RBFOX1: variants seen among roughly 807,000 people sequenced by gnomAD.
RBFOX1 encodes RNA binding protein fox-1 homolog 1.
RBFOX1 carries 8 observed loss-of-function variants against 57.7 expected under a neutral mutation model. The observed-to-expected ratio is 0.14, with a 90% CI of 0.08 to 0.25. The LOEUF (loss-of-function observed/expected upper bound fraction) is 0.25, where lower values mean the gene tolerates loss of function less well. RBFOX1 is among the 10% of genes least tolerant of loss of function. The probability of loss-of-function intolerance (pLI) is 1.00; values close to 1 mark genes in which losing one functional copy is unlikely to be tolerated. For missense variants in RBFOX1, 611 were observed against 548.5 expected, an observed-to-expected ratio of 1.11 and a Z score of -1.14; for synonymous variants, 326 against 222.4, an observed-to-expected ratio of 1.47 and a Z score of -4.15.
At chr16:5,852,900 T>C (rs552641740) in intron 3 of RBFOX1, among the ~76,000 whole-genome samples, 3 of 152,268 alleles carry the variant, frequency 2.0e-5, no homozygotes, top group Admixed American at 1.3e-4. Flanking sequence ...CTCTTACCCA[T>C]CCTGCAAGAC....
chr16:5,967,271 C>T (rs759072095), intron 4 of RBFOX1, among the ~76,000 whole-genome samples: 6 of 152,172 alleles, frequency 3.9e-5, no homozygotes, highest in Non-Finnish European at 8.8e-5. Context: ...GAGCATATAT[C>T]AATCTATGAA....
intron 13 of RBFOX1, among the ~76,000 whole-genome samples, chr16:7,675,245 G>A (rs1347263509): frequency 9.7e-6 from 1 of 103,526 alleles, no homozygotes; most frequent in African/African-American, 3.3e-5. Flanking sequence ...CCGTCACTCT[G>A]TTGAACTCAG....
intron 4 of RBFOX1, among the ~76,000 whole-genome samples, chr16:7,161,572 C>T (rs1359973297): frequency 6.6e-6 from 1 of 152,112 alleles, no homozygotes; most frequent in African/African-American, 2.4e-5. Context: ...TTTGCTAAGG[C>T]TGTGTACCTA....
At chr16:5,920,440 G>A (rs1475130701) in intron 4 of RBFOX1, among the ~76,000 whole-genome samples, 1 of 152,184 alleles carries the variant, frequency 6.6e-6, no homozygotes, top group African/African-American at 2.4e-5. Flanking sequence ...TTGGGGACCT[G>A]TTTTTATTTC....
In RBFOX1 at chr16:6,825,833, C is replaced by G. The variant is rs77241537; in HGVS notation, c.-16+171183C>G. Among the ~76,000 whole-genome samples the G allele has an allele frequency of 6.6e-3, 999 of 152,278 alleles. 11 individuals are homozygous for G. The highest frequency in any genetic ancestry group is 0.023 in the African/African-American group (943 of 41,554). On this transcript the variant is annotated intron_variant, in intron 3 of 15. Transcript: ENST00000550418. Reference sequence around the variant, plus strand: ...AGCGATCCTGCACAGGAACTTGCATCTTCCATCCGGAAGGAGGAATGAATA... The same window carrying G: ...AGCGATCCTGCACAGGAACTTGCATGTTCCATCCGGAAGGAGGAATGAATA...
At chr16:7,710,228 A>C in intron 15 of RBFOX1, 1 of 1,052,554 alleles carries the variant, frequency 9.5e-7, no homozygotes, top group Non-Finnish European at 1.1e-6. Flanking sequence ...GCATTCAACA[A>C]CTCTGCTTCA....
intron 3 of RBFOX1, among the ~76,000 whole-genome samples, chr16:6,907,685 C>G (rs529359329): frequency 1.4e-4 from 21 of 152,292 alleles, no homozygotes; most frequent in African/African-American, 5.1e-4. Context: ...ATTCTCCTGG[C>G]TCAGCCTCCT....
Position 7,365,510 on chromosome 16 carries a change from G to A in RBFOX1, c.28-152637G>A, listed in dbSNP as rs148533299. On this transcript the variant is annotated intron_variant, in intron 4 of 15. Coordinates refer to ENST00000550418, the MANE Select transcript of RBFOX1 (RefSeq NM_018723.4). ...TTTTTCCCCCCCACAGGGAACATTC[G>A]GAAATGTGTTAAGACATTTTTGGTT... Among the ~76,000 whole-genome samples the A allele has an allele frequency of 2.4e-3, 370 of 152,286 alleles. 2 individuals carry two copies. The highest frequency in any genetic ancestry group is 8.5e-3 in the African/African-American group (352 of 41,566).
intron 3 of RBFOX1, among the ~76,000 whole-genome samples, chr16:5,669,177 T>G (rs1245216948): frequency 6.6e-6 from 1 of 152,130 alleles, no homozygotes; most frequent in African/African-American, 2.4e-5. Context: ...TGACGGAATC[T>G]GGATGCTCTA....
chr16:5,783,367 G>T (rs546032000), intron 3 of RBFOX1, among the ~76,000 whole-genome samples: 3 of 151,976 alleles, frequency 2.0e-5, no homozygotes, highest in African/African-American at 7.3e-5. Context: ...TTTGATTTCT[G>T]TTTCTACAGA....
intron 3 of RBFOX1, among the ~76,000 whole-genome samples, chr16:6,905,947 A>C (rs998224642): frequency 2.0e-5 from 3 of 152,186 alleles, no homozygotes; most frequent in Admixed American, 2.0e-4. Flanking sequence ...TGTGTTTCCA[A>C]GGTGAGCTTT....
intron 2 of RBFOX1, among the ~76,000 whole-genome samples, chr16:5,516,570 C>G (rs1567182802): frequency 6.6e-6 from 1 of 152,132 alleles, no homozygotes; most frequent in Non-Finnish European, 1.5e-5. Context: ...GACAGTGATT[C>G]TTTTTTAATT....
chr16:7,046,285 A>G (rs1234080679), intron 3 of RBFOX1, among the ~76,000 whole-genome samples: 2 of 150,046 alleles, frequency 1.3e-5, no homozygotes, highest in African/African-American at 2.5e-5. Context: ...CAGTTACTCT[A>G]TCATTATTTG....
chr16:6,205,405 A>C (rs888601052), intron 1 of RBFOX1, among the ~76,000 whole-genome samples: 1 of 152,348 alleles, frequency 6.6e-6, no homozygotes, highest in East Asian at 1.9e-4. Context: ...TGTCGTGACA[A>C]AGTAATTAAT....
chr16:7,209,154 T>C (rs1603204747), intron 4 of RBFOX1, among the ~76,000 whole-genome samples: 1 of 100,146 alleles, frequency 1.0e-5, no homozygotes, highest in Non-Finnish European at 1.9e-5. Flanking sequence ...ATAATAATAA[T>C]AATAATAATA....
At chr16:5,667,163 G>C (rs552225098) in intron 3 of RBFOX1, among the ~76,000 whole-genome samples, 1 of 152,150 alleles carries the variant, frequency 6.6e-6, no homozygotes, top group South Asian at 2.1e-4. Flanking sequence ...TGCTTACTTA[G>C]TTTTTGGCTT....
At chr16:7,630,880 G>A (rs1006211241) in intron 11 of RBFOX1, among the ~76,000 whole-genome samples, 197 bp downstream of exon 11, 3 of 152,236 alleles carry the variant, frequency 2.0e-5, no homozygotes, top group South Asian at 2.1e-4. Flanking sequence ...TGTTAGATCC[G>A]TCAGGATTGG....
chr16:5,407,576 T>A (rs1485259488), intron 1 of RBFOX1, among the ~76,000 whole-genome samples: 1 of 152,034 alleles, frequency 6.6e-6, no homozygotes, highest in Non-Finnish European at 1.5e-5. Context: ...TGTTTTTTTG[T>A]CTCACTCTGT....
At chr16:6,569,813 A>C (rs2097319711) in intron 2 of RBFOX1, among the ~76,000 whole-genome samples, 1 of 152,166 alleles carries the variant, frequency 6.6e-6, no homozygotes, top group Non-Finnish European at 1.5e-5. Context: ...TGTTTCGTTA[A>C]GTTCTCTTTA....
Sources: gnomAD v4.1 joint callset for allele counts (sites outside exome capture counted in the v4.1 genomes callset) on GRCh38, gnomAD v4.1.1 for gene constraint, MANE v1.5 for transcripts, NCBI Gene and HGNC (gene_info 2026-07-23, HGNC 2026-07-21) for gene names.